The following SRP19 variants were observed in gnomAD, a reference collection of about 807,000 sequenced individuals.
SRP19 encodes the protein signal recognition particle 19 kDa protein.
In SRP19, 11 loss-of-function variants were observed where a neutral mutation model predicts 22.4. The observed-to-expected ratio is 0.49, with a 90% CI of 0.31 to 0.81. The LOEUF (loss-of-function observed/expected upper bound fraction) is 0.81. Ranked by LOEUF, SRP19 falls within the 40% of genes least tolerant of loss-of-function variation. The pLI, the probability that SRP19 is intolerant of heterozygous loss-of-function variation, is 0.05. For synonymous variants in SRP19, 61 were observed against 57.6 expected (o/e 1.06, Z -0.27); for missense variants, 168 against 175.9 (o/e 0.96, Z 0.25).
chr5:112,875,371 G>A (rs1055595268), intron 4 of SRP19, among the ~76,000 whole-genome samples: 1 of 104,790 alleles, frequency 9.5e-6, no homozygotes, highest in Non-Finnish European at 2.3e-5. Context: ...TTTTGTTTTT[G>A]GTTTTTTTTT....
At chr5:112,864,872 G>C (rs1021890589) in intron 4 of SRP19, 140 bp downstream of exon 4, 5 of 554,834 alleles carry the variant, frequency 9.0e-6, no homozygotes, top group Admixed American at 3.4e-5. Context: ...TGCTCATGGA[G>C]AGAAGCAGTA....
chr5:112,892,748 A>C, exon 5 of SRP19: 1 of 1,614,074 alleles, frequency 6.2e-7, no homozygotes, highest in Non-Finnish European at 8.5e-7. Context: ...GAGAGGAGGG[A>C]GAAGATGGGC....
chr5:112,867,522 A>C lies in SRP19; in HGVS notation c.420A>C (p.Gly140=), dbSNP rs1767646123. ...GAGAGGGAAGTAAAAAAGGGAAAGGAAAGAAAAAGAAGTAACCTAGTATCA... is the reference window on the plus strand; with the variant it reads ...GAGAGGGAAGTAAAAAAGGGAAAGGCAAGAAAAAGAAGTAACCTAGTATCA... ...QQGEGSKKGK[G]KKKK is the part of the protein sequence containing the mutation. The change falls in exon 5 of 5, where the codon GGA becomes GGC. Residue 140 remains glycine (G), a synonymous_variant. Transcript: ENST00000505459. The C allele has an allele frequency of 1.9e-6, 3 of 1,611,898 alleles. No homozygotes were observed. In the South Asian group the frequency reaches 3.3e-5, roughly 18 times the overall value.
At chr5:112,891,714 GGCC>G (rs1176810099) in exon 5 of SRP19, 3 of 1,614,068 alleles carry the variant, frequency 1.9e-6, no homozygotes, top group Middle Eastern at 1.6e-4. Flanking sequence ...AAAAGTACAG[GGCC>G]GCCCTGAAGA....
At chr5:112,879,970 A>C (rs1242158698) in intron 4 of SRP19, among the ~76,000 whole-genome samples, 1 of 152,078 alleles carries the variant, frequency 6.6e-6, no homozygotes, top group Admixed American at 6.5e-5. Flanking sequence ...AAAGTACCTA[A>C]TGCAACATGA....
rs371390175 is a variant in SRP19 at position 112,879,718 on chromosome 5, T to C, written c.302-11885T>C. Among the ~76,000 whole-genome samples, 102 of 152,136 alleles carry C rather than the reference T, an allele frequency of 6.7e-4. No individual in the cohort carries two copies. The South Asian group carries it at 0.018, about 27-fold the overall frequency. Reference sequence around the variant, plus strand: ...GTCTCAATTTCCTGACCTCGTGATCTGCCCGCCTTGGCCTCCCAAAGTGCT... The same window carrying C: ...GTCTCAATTTCCTGACCTCGTGATCCGCCCGCCTTGGCCTCCCAAAGTGCT... On this transcript the variant is annotated intron_variant, in intron 4 of 4. Transcript: ENST00000391338.
Position 112,867,545 on chromosome 5 carries a change from T to A in SRP19, c.*8T>A. On this transcript the variant is annotated 3_prime_UTR_variant, in exon 5 of 5. Coordinates refer to ENST00000505459, the MANE Select transcript of SRP19 (RefSeq NM_003135.3). ...GGAAAGAAAAAGAAGTAACCTAGTA[T>A]CAGCATCAAGTATGTGGTACTACTG... is the stretch of plus-strand genomic sequence containing the variant. 6.2e-7 allele frequency: 1 copy of A among 1,605,020 alleles called. No homozygotes were observed. The highest frequency in any genetic ancestry group is 8.5e-7 in the Non-Finnish European group (1 of 1,175,766).
Position 112,861,317 on chromosome 5 carries a change from C to T in SRP19, c.-60C>T, listed in dbSNP as rs909024500. The T allele has an allele frequency of 1.1e-5, 17 of 1,601,808 alleles. No individual in the cohort carries two copies. In the African/African-American group the frequency reaches 1.3e-4, roughly 13 times the overall value. On this transcript the variant is annotated 5_prime_UTR_variant, in exon 1 of 5. Transcript: ENST00000505459. Reference sequence around the variant, plus strand: ...GTCTCGGAAACTCAGAGCCGGGTTCCTCCCGGGTTTCTGCCGGGTTTCTCC... The same window carrying T: ...GTCTCGGAAACTCAGAGCCGGGTTCTTCCCGGGTTTCTGCCGGGTTTCTCC...
intron 4 of SRP19, 154 bp from the exon 5 acceptor site, chr5:112,867,250 T>C (rs1767636655): frequency 7.9e-6 from 6 of 763,738 alleles, no homozygotes; most frequent in Non-Finnish European, 2.0e-6. Context: ...CTTGAGCTAG[T>C]CAGTGTCTTC....
chr5:112,862,428 C>T (rs1413324255), intron 1 of SRP19, 80 bp from the exon 2 acceptor site: 4 of 1,246,660 alleles, frequency 3.2e-6, no homozygotes, highest in East Asian at 2.3e-5. Context: ...ATGAATTGGC[C>T]TTTGGTTCCC....
At chr5:112,893,054 C>A (rs756540897) in exon 5 of SRP19, 5 of 1,261,404 alleles carry the variant, frequency 4.0e-6, no homozygotes, top group South Asian at 1.2e-5. Flanking sequence ...AGAGACAGAA[C>A]TGTTCAGAGT....
At position 112,864,604 on chromosome 5, in the gene SRP19, T is replaced by G. The variant is rs991772072; in HGVS notation, c.190-17T>G. 4 of 1,612,744 alleles carry G rather than the reference T, an allele frequency of 2.5e-6. No homozygotes were observed. In the East Asian group the frequency reaches 8.9e-5, roughly 36 times the overall value. On this transcript the variant is annotated splice_polypyrimidine_tract_variant and intron_variant, in intron 3 of 4. Coordinates refer to ENST00000505459, the MANE Select transcript of SRP19 (RefSeq NM_003135.3). ...ACTTTCTTAAGTCCTGTTTTTCTTT[T>G]GTTTCGTTTATGTTAGAAAAATAAA...
chr5:112,878,470 A>C, intron 4 of SRP19: 2 of 312,824 alleles, frequency 6.4e-6, no homozygotes, highest in Non-Finnish European at 5.9e-6. Flanking sequence ...CCAGTAAAGT[A>C]CACAGCCTGT....
exon 5 of SRP19, chr5:112,892,561 C>A (rs749317065): frequency 6.2e-7 from 1 of 1,614,096 alleles, no homozygotes; most frequent in South Asian, 1.1e-5. Context: ...TGAATTCTGC[C>A]CAGTGACCCG....
At chr5:112,875,335 C>T (rs952189472) in intron 4 of SRP19, among the ~76,000 whole-genome samples, 58 of 151,600 alleles carry the variant, frequency 3.8e-4, no homozygotes, top group African/African-American at 1.3e-3. Flanking sequence ...TGCGGACCAG[C>T]GCATACCTTC....
chr5:112,864,967 A>G (rs546793344), intron 4 of SRP19: 3 of 347,376 alleles, frequency 8.6e-6, no homozygotes, highest in Admixed American at 8.9e-5. Flanking sequence ...TTGTGTGAAC[A>G]TTTTATAAAC....
chr5:112,867,377 AC>A (rs1767641673), intron 4 of SRP19, 26 bp from the exon 5 acceptor site: 1 of 1,606,858 alleles, frequency 6.2e-7, no homozygotes, highest in African/African-American at 1.3e-5. Flanking sequence ...CTCAGATTAT[AC>A]ACTAAGCCTA....
chr5:112,897,336 A>C (rs1561653760), downstream of SRP19: 1 of 147,846 alleles, frequency 6.8e-6, no homozygotes. Context: ...TCCTCCCTAC[A>C]TAAAACACAT....
At chr5:112,871,625 G>T (rs367602546), downstream of SRP19, among the ~76,000 whole-genome samples, 3 of 152,040 alleles carry the variant, frequency 2.0e-5, no homozygotes, top group African/African-American at 7.2e-5. Context: ...AGGCGTGGTG[G>T]TGGGCGCCTG....
Sources: allele counts gnomAD v4.1 joint callset (sites outside exome capture counted in the v4.1 genomes callset), GRCh38; gene constraint gnomAD v4.1.1; transcripts MANE v1.5; gene names NCBI Gene and HGNC (gene_info 2026-07-23, HGNC 2026-07-21).